TCF12: variants seen among roughly 807,000 people sequenced by gnomAD.
TCF12 encodes the protein transcription factor 12.
Under a neutral mutation model 86.0 loss-of-function variants are expected in TCF12, and 45 were observed. The observed-to-expected ratio is 0.52, with a 90% CI of 0.41 to 0.67. TCF12 has a LOEUF of 0.67. Ranked by LOEUF, TCF12 falls within the 30% of genes least tolerant of loss-of-function variation. TCF12 has a pLI of 0.00. For synonymous variants in TCF12, 330 were observed against 299.6 expected (o/e 1.10, Z -1.05); for missense variants, 881 against 859.9 (o/e 1.02, Z -0.31).
At chr15:56,927,493 C>T (rs1472775221) in intron 3 of TCF12, among the ~76,000 whole-genome samples, 1 of 152,206 alleles carries the variant, frequency 6.6e-6, no homozygotes, top group African/African-American at 2.4e-5. Context: ...CTACCATTAA[C>T]ATTTTCTCCT....
intron 3 of TCF12, among the ~76,000 whole-genome samples, chr15:56,956,398 G>A (rs181496400): frequency 7.6e-4 from 115 of 151,722 alleles, no homozygotes; most frequent in African/African-American, 2.7e-3. Context: ...TTAATGATTT[G>A]CAGTATTCAG....
intron 5 of TCF12, among the ~76,000 whole-genome samples, chr15:57,158,187 T>TTG (rs746135439): frequency 6.7e-6 from 1 of 148,718 alleles, no homozygotes. Flanking sequence ...GAAAGTCGTT[T>TTG]CTTTTTTTTT....
chr15:56,975,203 T>C (rs2062538725), intron 3 of TCF12, among the ~76,000 whole-genome samples: 1 of 152,164 alleles, frequency 6.6e-6, no homozygotes, highest in East Asian at 1.9e-4. Flanking sequence ...TTGGAATTTA[T>C]GTACTGGCAT....
At chr15:56,947,171 G>A (rs1237801430) in intron 3 of TCF12, among the ~76,000 whole-genome samples, 1 of 152,064 alleles carries the variant, frequency 6.6e-6, no homozygotes, top group Non-Finnish European at 1.5e-5. Flanking sequence ...GAATGCTTTG[G>A]GCATTCAACG....
At chr15:57,024,644 C>G (rs1663939735) in intron 3 of TCF12, among the ~76,000 whole-genome samples, 2 of 152,118 alleles carry the variant, frequency 1.3e-5, no homozygotes, top group Admixed American at 1.3e-4. Context: ...GAGCTGCTGC[C>G]AAAGGAGCTT....
chr15:57,084,843 G>T (rs1419443559), intron 4 of TCF12, among the ~76,000 whole-genome samples: 2 of 151,984 alleles, frequency 1.3e-5, no homozygotes, highest in African/African-American at 4.8e-5. Flanking sequence ...ACATTAATGT[G>T]AATGTAATCT....
intron 8 of TCF12, among the ~76,000 whole-genome samples, chr15:57,219,914 C>T (rs1443813734): frequency 2.0e-5 from 3 of 151,706 alleles, no homozygotes; most frequent in African/African-American, 7.3e-5. Context: ...TTAGTAGAGA[C>T]GCGGTTTTAT....
intron 3 of TCF12, among the ~76,000 whole-genome samples, chr15:57,042,711 G>T (rs1248644387): frequency 2.6e-5 from 4 of 152,112 alleles, no homozygotes; most frequent in African/African-American, 4.8e-5. Context: ...ACTGTGCCCA[G>T]CCTTACATAT....
At position 56,961,574 on chromosome 15, in the gene TCF12, A is replaced by G. The variant is rs549889734; in HGVS notation, c.148+40476A>G. Among the ~76,000 whole-genome samples the G allele has an allele frequency of 4.6e-5, 7 of 152,356 alleles. No homozygotes were observed. In the South Asian group the frequency reaches 1.4e-3, roughly 32 times the overall value. On this transcript the variant is annotated intron_variant, in intron 3 of 20. Transcript: ENST00000333725. ...AATGTTTGTGGAATAACTGCCTATG[A>G]AAACTTCTTTTTGAGGCTTGTATTA...
At chr15:57,058,397 A>T (rs2068195014) in intron 3 of TCF12, among the ~76,000 whole-genome samples, 1 of 152,192 alleles carries the variant, frequency 6.6e-6, no homozygotes, top group Admixed American at 6.5e-5. Flanking sequence ...CATTTTTTTG[A>T]ATGAAATTTG....
In TCF12 at chr15:56,962,026, G is replaced by T. The variant is rs189099552; in HGVS notation, c.148+40928G>T. On this transcript the variant is annotated intron_variant, in intron 3 of 20. Transcript: ENST00000333725. ...GGGCGCCTGTAGTCCCAGCTACTCG[G>T]AGAGGCTGAGGCAGGAGAATGGCGT... Among the ~76,000 whole-genome samples the T allele has an allele frequency of 4.5e-3, 674 of 151,250 alleles. 8 individuals carry two copies. Among genetic ancestry groups the T allele is most frequent in the Admixed American group, 0.021 (321 of 15,168 alleles).
At chr15:56,953,794 CTTCTT>C (rs1409659400) in intron 3 of TCF12, among the ~76,000 whole-genome samples, 1 of 147,214 alleles carries the variant, frequency 6.8e-6, no homozygotes, top group Non-Finnish European at 1.5e-5. Context: ...TGGATTGTTT[CTTCTT>C]TTCTTGATCA....
intron 3 of TCF12, among the ~76,000 whole-genome samples, chr15:57,012,463 ACT>A (rs774311988): frequency 2.7e-4 from 41 of 152,244 alleles, no homozygotes; most frequent in Non-Finnish European, 4.0e-4. Flanking sequence ...TATTATTCTA[ACT>A]CTTGTACGCC....
At position 57,157,051 on chromosome 15, in the gene TCF12, T is replaced by TC. The variant is rs560378358; in HGVS notation, c.326-9346dup. Among the ~76,000 whole-genome samples, 173 of 152,306 alleles carry TC rather than the reference T, an allele frequency of 1.1e-3. 1 individual carries two copies. The highest frequency in any genetic ancestry group is 4.0e-3 in the African/African-American group (165 of 41,564). On this transcript the variant is annotated intron_variant, in intron 5 of 20. Transcript: ENST00000333725. Reference sequence around the variant, plus strand: ...ATTTGATAATTTGTTCCCTCTATCTTCCCCCAAATTATTTGGTGATGTGAT... The same window carrying TC: ...ATTTGATAATTTGTTCCCTCTATCTTCCCCCCAAATTATTTGGTGATGTGAT...
intron 5 of TCF12, among the ~76,000 whole-genome samples, chr15:57,109,054 GA>G (rs1301291208): frequency 5.9e-5 from 9 of 152,138 alleles, no homozygotes; most frequent in Admixed American, 2.6e-4. Flanking sequence ...TGTGAAATCT[GA>G]AGTAAAAATA....
rs1200971898 is a variant in TCF12, at chr15:57,289,072, T to C, written c.*2927T>C. The C allele has an allele frequency of 2.0e-5, 3 of 152,216 alleles. No homozygotes were observed. The highest frequency in any genetic ancestry group is 2.0e-4 in the Admixed American group (3 of 15,288). The allele number at this position is 152,216 out of a possible 1,614,324, so 9.4% of individuals were successfully genotyped here. Reference sequence around the variant, plus strand: ...ACCTCAAACAAACTAGACAAACTTTTTTTTTGACAGTGAATGACTTTTTGT... The same window carrying C: ...ACCTCAAACAAACTAGACAAACTTTCTTTTTGACAGTGAATGACTTTTTGT... On this transcript the variant is annotated 3_prime_UTR_variant, in exon 21 of 21. Coordinates refer to ENST00000333725, the MANE Select transcript of TCF12 (RefSeq NM_207037.2).
chr15:57,079,284 T>G (rs1047216542), intron 4 of TCF12, among the ~76,000 whole-genome samples: 5 of 152,316 alleles, frequency 3.3e-5, no homozygotes, highest in African/African-American at 1.2e-4. Flanking sequence ...TTTCTTTGAT[T>G]GTGTACTAGG....
Position 57,031,317 on chromosome 15 carries a change from A to T in TCF12, c.149-32433A>T, listed in dbSNP as rs566053921. Among the ~76,000 whole-genome samples, 16 of 152,282 alleles carry T rather than the reference A, an allele frequency of 1.1e-4. No individual in the cohort carries two copies. In the South Asian group the frequency reaches 3.3e-3, roughly 32 times the overall value. The stretch of plus-strand genomic sequence containing the variant: ...TCTGCATTTGGTTGAAGTGTTTATC[A>T]GTGATCTCCCTGTCTTCTTTGTGGC... On this transcript the variant is annotated intron_variant, in intron 3 of 20. Transcript: ENST00000333725.
At chr15:56,921,629 T>A (rs1382131007) in intron 3 of TCF12, among the ~76,000 whole-genome samples, 1 of 152,044 alleles carries the variant, frequency 6.6e-6, no homozygotes, top group Non-Finnish European at 1.5e-5. Flanking sequence ...TAACTTTTTA[T>A]TTAATTTAAA....
Sources: gnomAD v4.1 joint callset for allele counts (sites outside exome capture counted in the v4.1 genomes callset) on GRCh38, gnomAD v4.1.1 for gene constraint, MANE v1.5 for transcripts, NCBI Gene and HGNC (gene_info 2026-07-23, HGNC 2026-07-21) for gene names.